Variants in OTOP1 observed in about 807,000 individuals in gnomAD.
The protein encoded by OTOP1 is proton channel OTOP1.
Under a neutral mutation model 52.9 loss-of-function variants are expected in OTOP1, and 59 were observed. The ratio of observed to expected loss-of-function variants is 1.12; its 90% CI spans 0.91 to 1.39. The LOEUF (loss-of-function observed/expected upper bound fraction) is 1.39. Among genes scored for constraint, OTOP1 ranks in the 40% most tolerant of loss-of-function variants. The pLI is 0.00. For missense variants in OTOP1, 761 were observed against 800.9 expected (o/e 0.95, Z 0.60); for synonymous variants, 317 against 337.7 (o/e 0.94, Z 0.67).
Position 4,198,074 on chromosome 4 carries a change from A to G in OTOP1, c.760T>C (p.Cys254Arg), listed in dbSNP as rs1407550573. The G allele has an allele frequency of 6.2e-7, 1 of 1,614,088 alleles. No individual in the cohort carries two copies. Among genetic ancestry groups the G allele is most frequent in the Non-Finnish European group, 8.5e-7 (1 of 1,179,948 alleles). Residue 254 changes from cysteine to arginine, a missense_variant, in exon 5 of 6, where the codon TGC (cysteine) becomes CGC (arginine). Cys to Arg is a radical substitution (Grantham distance 180). This residue lies in a region of OTOP1 where 632 missense variants were observed against 619.5 expected (regional missense o/e 1.02). Transcript: ENST00000296358. ...GCAGTGCACAGAGTTGGGGGCGTGC[A>G]GTTACACTGCGGTGTGTGGTCATCT... ...VLDDHTPQCN[C>R]TPPTLCTAIS...
intron 1 of OTOP1, among the ~76,000 whole-genome samples, chr4:4,222,876 C>T (rs559691537): frequency 2.4e-4 from 36 of 152,304 alleles, no homozygotes; most frequent in African/African-American, 8.2e-4. Context: ...TAATAATTAG[C>T]TTCTTGCTTC....
chr4:4,207,840 C>T (rs1196803246), intron 2 of OTOP1, among the ~76,000 whole-genome samples: 1 of 152,140 alleles, frequency 6.6e-6, no homozygotes, highest in Non-Finnish European at 1.5e-5. Context: ...AGGTCTGTGC[C>T]TTTCATTACA....
Position 4,226,915 on chromosome 4 carries a change from C to G in OTOP1, c.-51G>C, listed in dbSNP as rs1577188403. The stretch of plus-strand genomic sequence containing the variant: ...GTCCCGGGGGTGGCTGCCGTCGGGC[C>G]CCGCCTGCGCTCCTGGCTCCTGTCC... On this transcript the variant is annotated 5_prime_UTR_variant, in exon 1 of 6. Transcript: ENST00000296358. 1.5e-5 allele frequency: 19 copies of G among 1,292,998 alleles called. No homozygotes were observed. The East Asian group carries it at 6.0e-4, about 41-fold the overall frequency. The allele number at this position is 1,292,998 out of a possible 1,614,324, so 80.1% of individuals were successfully genotyped here. A position where few individuals can be genotyped will look rare whatever the true frequency, so the allele number is the denominator to read the frequency against.
At chr4:4,208,677 A>G (rs181156077) in intron 2 of OTOP1, among the ~76,000 whole-genome samples, 77 of 152,266 alleles carry the variant, frequency 5.1e-4, no homozygotes, top group African/African-American at 1.8e-3. Flanking sequence ...TTGCAAGATG[A>G]AAAAGGTCCT....
chr4:4,223,626 G>T (rs181163887), intron 1 of OTOP1, among the ~76,000 whole-genome samples: 77 of 152,220 alleles, frequency 5.1e-4, no homozygotes, highest in African/African-American at 1.8e-3. Flanking sequence ...CAGGCCGGGC[G>T]TGGTGGCCCA....
chr4:4,214,648 T>C (rs1009497797), intron 1 of OTOP1, among the ~76,000 whole-genome samples: 19 of 152,122 alleles, frequency 1.2e-4, no homozygotes, highest in African/African-American at 4.3e-4. Flanking sequence ...TGACACACGA[T>C]ACAGTATGGA....
intron 1 of OTOP1, among the ~76,000 whole-genome samples, chr4:4,217,450 G>A (rs561555694): frequency 2.3e-4 from 35 of 152,316 alleles, no homozygotes; most frequent in African/African-American, 3.6e-4. Context: ...GATGTCGCCC[G>A]CGTGTCAGGG....
intron 4 of OTOP1, among the ~76,000 whole-genome samples, chr4:4,201,254 C>T (rs1286527050): frequency 6.6e-6 from 1 of 151,956 alleles, no homozygotes; most frequent in Admixed American, 6.6e-5. Flanking sequence ...TAGTGAAACC[C>T]CGTCTCTACT....
At chr4:4,190,643 G>A (rs996069976) in intron 5 of OTOP1, among the ~76,000 whole-genome samples, 3 of 152,176 alleles carry the variant, frequency 2.0e-5, no homozygotes, top group Non-Finnish European at 4.4e-5. Context: ...GTCTTAAAGT[G>A]TATGGGAGGA....
chr4:4,212,946 G>A lies in OTOP1; in HGVS notation c.462C>T (p.Tyr154=), dbSNP rs1717057308. Residue 154 remains tyrosine, a synonymous_variant, in exon 2 of 6, where the codon TAC becomes TAT. Transcript: ENST00000296358. ...ATAAACATTCTGAAAATCCAATGAA[G>A]TATCCAATTTTAAGGCATCCCAGGA... The part of the protein sequence containing the change: ...TVILGCLKIG[Y]FIGFSECLSA... The A allele has an allele frequency of 1.2e-6, 2 of 1,614,002 alleles. No homozygotes were observed. The highest frequency in any genetic ancestry group is 1.7e-6 in the Non-Finnish European group (2 of 1,179,880).
intron 3 of OTOP1, among the ~76,000 whole-genome samples, chr4:4,202,971 G>A (rs1208369783): frequency 6.6e-6 from 1 of 152,194 alleles, no homozygotes; most frequent in Non-Finnish European, 1.5e-5. Context: ...AGATGAAAGA[G>A]TACCACTGGA....
chr4:4,206,388 T>C (rs1049076897), intron 2 of OTOP1, among the ~76,000 whole-genome samples: 3 of 152,168 alleles, frequency 2.0e-5, no homozygotes, highest in Admixed American at 2.0e-4. Context: ...TTCTGTGATA[T>C]GGGGGTGATT....
At chr4:4,217,881 T>C (rs1717184935) in intron 1 of OTOP1, among the ~76,000 whole-genome samples, 2 of 152,102 alleles carry the variant, frequency 1.3e-5, no homozygotes, top group Non-Finnish European at 2.9e-5. Context: ...CAAATTATAG[T>C]GACCAATCAA....
At position 4,188,830 on chromosome 4, in the gene OTOP1, G is replaced by A. The variant is rs776782100; in HGVS notation, c.1812C>T (p.Ser604=). ...ATATCTTACAATAGACCTCAAAGAG[G>A]GAGGCAGCTGCGTGCATTCGATAGA... ...SIFYRMHAAA[S]LFEVYCKI is the part of the protein sequence containing the mutation. Residue 604 remains serine, a synonymous_variant, in exon 6 of 6, where the codon TCC becomes TCT. Transcript: ENST00000296358. 13 of 1,613,756 alleles carry A rather than the reference G, an allele frequency of 8.1e-6. No individual in the cohort carries two copies. Among genetic ancestry groups the A allele is most frequent in the Non-Finnish European group, 1.1e-5 (13 of 1,179,750 alleles).
intron 2 of OTOP1, 135 bp downstream of exon 2, chr4:4,212,733 A>C (rs535213682): frequency 1.0e-6 from 1 of 987,030 alleles, no homozygotes; most frequent in African/African-American, 1.6e-5. Flanking sequence ...CCTCAAAGAC[A>C]GATTTCAGTT....
chr4:4,212,600 A>G (rs1475550960), intron 2 of OTOP1, among the ~76,000 whole-genome samples: 3 of 152,108 alleles, frequency 2.0e-5, no homozygotes, highest in Non-Finnish European at 4.4e-5. Flanking sequence ...TTTACTGTAG[A>G]CTCTGGCTTG....
intron 1 of OTOP1, among the ~76,000 whole-genome samples, chr4:4,221,805 G>A (rs1238075583): frequency 6.6e-5 from 10 of 152,102 alleles, no homozygotes; most frequent in African/African-American, 1.7e-4. Context: ...TAGTAGAGAC[G>A]GGGTTTCACC....
At chr4:4,210,178 T>C (rs566513956) in intron 2 of OTOP1, among the ~76,000 whole-genome samples, 3 of 152,280 alleles carry the variant, frequency 2.0e-5, no homozygotes, top group Non-Finnish European at 4.4e-5. Context: ...TCGTCCAGTA[T>C]TTAAAGATGA....
rs553851032 is a variant in OTOP1, at chr4:4,219,921, G to A, written c.403+6541C>T. 8.3e-4 allele frequency among the ~76,000 whole-genome samples: 113 copies of A among 135,886 alleles called. No homozygotes were observed. The South Asian group carries it at 0.013, about 16-fold the overall frequency. The allele number at this position is 135,886 out of a possible 152,430, so 89.1% of individuals were successfully genotyped here. A position where few individuals can be genotyped will look rare whatever the true frequency, so the allele number is the denominator to read the frequency against. On this transcript the variant is annotated intron_variant, in intron 1 of 5. Coordinates refer to ENST00000296358, the MANE Select transcript of OTOP1 (RefSeq NM_177998.3). Reference sequence around the variant, plus strand: ...TATACACATATATGTGTGTATATACGTATACATGTATACATATATACACAT... The same window carrying A: ...TATACACATATATGTGTGTATATACATATACATGTATACATATATACACAT...
Sources: allele counts gnomAD v4.1 joint callset (sites outside exome capture counted in the v4.1 genomes callset), GRCh38; gene constraint gnomAD v4.1.1; regional missense constraint gnomAD v4.1.1; transcripts MANE v1.5; gene names NCBI Gene and HGNC (gene_info 2026-07-23, HGNC 2026-07-21).